The following EPG5 variants were observed in gnomAD, a reference collection of about 807,000 sequenced individuals.
The protein encoded by EPG5 is ectopic P granules protein 5 homolog.
Under a neutral mutation model 302.7 loss-of-function variants are expected in EPG5, and 159 were observed. That is an observed-to-expected ratio of 0.53 (90% CI 0.46 to 0.60). The LOEUF (loss-of-function observed/expected upper bound fraction) is 0.60, where lower values mean the gene tolerates loss of function less well. EPG5 is among the 20% of genes least tolerant of loss of function. The pLI is 0.00. For missense variants in EPG5, 2,896 were observed against 3,092.4 expected, an observed-to-expected ratio of 0.94 and a Z score of 1.51; for synonymous variants, 1,158 against 1,136.8, an observed-to-expected ratio of 1.02 and a Z score of -0.37.
chr18:45,952,375 A>G (rs1190522045), intron 3 of EPG5, 25 bp downstream of exon 3: 1 of 1,610,068 alleles, frequency 6.2e-7, no homozygotes, highest in Admixed American at 1.7e-5. Context: ...AAAACACAAG[A>G]AAGAGAGCTT....
At chr18:45,822,687 T>G in the EPG5 span, among the ~76,000 whole-genome samples, 3 of 152,164 alleles carry the variant, frequency 2.0e-5, no homozygotes, top group African/African-American at 7.2e-5. Context: ...TTGATTAAAA[T>G]GCTTTTAATC....
Position 45,900,976 on chromosome 18 carries a change from G to A in EPG5, c.4646+20C>T, listed in dbSNP as rs191567436. 8.1e-4 allele frequency: 1,285 copies of A among 1,595,080 alleles called. 12 individuals carry two copies. The South Asian group carries it at 8.7e-3, about 11-fold the overall frequency. ...AGCCACCAACATGGGAACATGATCC[G>A]TGAGGCTGCATGGTCTTACCTGGCC... On this transcript the variant is annotated intron_variant, in intron 26 of 43. Transcript: ENST00000282041.
chr18:45,904,162 G>A, intron 24 of EPG5, 45 bp from the exon 25 acceptor site: 1 of 1,589,248 alleles, frequency 6.3e-7, no homozygotes, highest in Non-Finnish European at 8.5e-7. Flanking sequence ...ACAAGTCATA[G>A]ATTCACATAT....
In EPG5 at chr18:45,858,716, A is replaced by C; in HGVS notation, c.7076T>G (p.Met2359Arg). 6.2e-7 allele frequency: 1 copy of C among 1,614,216 alleles called. No homozygotes were observed. The highest frequency in any genetic ancestry group is 1.7e-5 in the Admixed American group (1 of 60,028). Residue 2359 changes from methionine (M) to arginine (R), a missense_variant, in exon 41 of 44, where the codon ATG becomes AGG. Transcript: ENST00000282041. ...LVSLQVPELT[M>R]EEFLQECLTL... ...GAGGCACTCCTGCAGGAACTCTTCC[A>C]TGGTGAGCTCGGGAACCTGAAGGGA...
chr18:45,869,262 T>C (rs930639879), intron 36 of EPG5, among the ~76,000 whole-genome samples: 3 of 152,214 alleles, frequency 2.0e-5, no homozygotes, highest in Non-Finnish European at 4.4e-5. Flanking sequence ...ATGATTCATT[T>C]CTTGTCATTA....
At position 45,934,935 on chromosome 18, in the gene EPG5, G is replaced by A. The variant is rs771491947; in HGVS notation, c.2131C>T (p.Pro711Ser). 2 of 1,613,162 alleles carry A rather than the reference G, an allele frequency of 1.2e-6. No individual in the cohort carries two copies. Among genetic ancestry groups the A allele is most frequent in the East Asian group, 4.5e-5 (2 of 44,864 alleles). Residue 711 changes from proline to serine, a missense_variant, in exon 11 of 44, where the codon CCC becomes TCC. Physicochemically the swap from Pro to Ser is moderately conservative, Grantham distance 74. Around this residue, in one of 5 missense-constraint regions of EPG5, gnomAD observed 1,390 missense variants for 1,430.0 expected, o/e 0.97. Coordinates refer to ENST00000282041, the MANE Select transcript of EPG5 (RefSeq NM_020964.3). ...LGIWLFMSEM[P>S]FGTLSVQMLW... ...ATTTGCACAGACAGAGTCCCAAAGG[G>A]CATCTCGGACATAAACAGCCAAATG...
chr18:45,838,817 G>T, the EPG5 span: 1 of 1,560,094 alleles, frequency 6.4e-7, no homozygotes, highest in Non-Finnish European at 8.6e-7. Context: ...GCCCTCGCCT[G>T]GTCCGGCCCG....
chr18:45,886,711 T>C (rs898691218), intron 29 of EPG5, among the ~76,000 whole-genome samples: 1 of 152,146 alleles, frequency 6.6e-6, no homozygotes, highest in African/African-American at 2.4e-5. Context: ...CAGGCTGGAG[T>C]GCAATAGCAT....
the EPG5 span, chr18:45,837,482 C>G: frequency 6.9e-7 from 1 of 1,448,958 alleles, no homozygotes; most frequent in East Asian, 2.7e-5. Flanking sequence ...CCCCAGGGCC[C>G]CGAGCCTGAC....
chr18:45,879,884 C>A (rs900374187), intron 32 of EPG5, among the ~76,000 whole-genome samples, 191 bp downstream of exon 32: 3 of 151,950 alleles, frequency 2.0e-5, no homozygotes, highest in Non-Finnish European at 4.4e-5. Context: ...GATACATGGG[C>A]AAGAATTAGA....
chr18:45,859,659 T>A (rs1218216369), intron 40 of EPG5, among the ~76,000 whole-genome samples: 1 of 152,228 alleles, frequency 6.6e-6, no homozygotes, highest in African/African-American at 2.4e-5. Flanking sequence ...TTAAAAGGTC[T>A]GATAAGCAGC....
chr18:45,802,918 C>A, the EPG5 span, among the ~76,000 whole-genome samples: 1 of 152,146 alleles, frequency 6.6e-6, no homozygotes, highest in African/African-American at 2.4e-5. Flanking sequence ...ACCACATGGC[C>A]CCTTCCCCCA....
Position 45,954,450 on chromosome 18 carries a change from A to T in EPG5, c.952T>A (p.Cys318Ser). The change falls in exon 2 of 44, where the codon TGC (cysteine) becomes AGC (serine). Residue 318 changes from cysteine (C) to serine (S), a missense_variant. Transcript: ENST00000282041. ...EAELLTLTSD[C>S]QNAKSRLWQF... ...CACAGCCGACTTTTAGCATTTTGGC[A>T]ATCAGATGTCAGAGTAAGCAGCTCA... The T allele has an allele frequency of 6.2e-7, 1 of 1,614,144 alleles. No individual in the cohort carries two copies. Among genetic ancestry groups the T allele is most frequent in the Non-Finnish European group, 8.5e-7 (1 of 1,180,016 alleles).
In EPG5 at chr18:45,946,763, C is replaced by T. The variant is rs779313684; in HGVS notation, c.1577G>A (p.Arg526Gln). The change falls in exon 7 of 44, where the codon CGA becomes CAA. Residue 526 changes from arginine (R) to glutamine (Q), a missense_variant. Coordinates refer to ENST00000282041, the MANE Select transcript of EPG5 (RefSeq NM_020964.3). Reference sequence around the variant, plus strand: ...CTTCATGTGGCACATAAACTCAGCTCGATTTCTAAAGGACAAGAATAATCA... The same window carrying T: ...CTTCATGTGGCACATAAACTCAGCTTGATTTCTAAAGGACAAGAATAATCA... ...LALLMSPVKN[R>Q]AEFMCHMKPS... 1.9e-6 allele frequency: 3 copies of T among 1,613,910 alleles called. No individual in the cohort carries two copies. Among genetic ancestry groups the T allele is most frequent in the Admixed American group, 1.7e-5 (1 of 60,006 alleles).
the EPG5 span, among the ~76,000 whole-genome samples, chr18:45,816,045 C>T: frequency 4.6e-5 from 7 of 152,268 alleles, no homozygotes; most frequent in East Asian, 1.2e-3. Context: ...GGAGAAAGCA[C>T]ACCCTTTTCA....
the EPG5 span, among the ~76,000 whole-genome samples, chr18:45,840,558 C>G: frequency 6.6e-6 from 1 of 152,302 alleles, no homozygotes; most frequent in African/African-American, 2.4e-5. Context: ...CATCCCCGTT[C>G]CCCCCTGGCA....
the EPG5 span, chr18:45,839,221 G>C: frequency 8.0e-7 from 1 of 1,249,778 alleles, no homozygotes; most frequent in Non-Finnish European, 1.0e-6. Context: ...ATGCATCGTG[G>C]CGCTTTCCTC....
intron 27 of EPG5, among the ~76,000 whole-genome samples, chr18:45,892,175 A>AC (rs1278786271): frequency 6.6e-6 from 1 of 152,142 alleles, no homozygotes; most frequent in African/African-American, 2.4e-5. Context: ...ACTAAAATAA[A>AC]ACCAGGTGGT....
intron 10 of EPG5, 90 bp downstream of exon 10, chr18:45,939,510 A>G: frequency 7.9e-7 from 1 of 1,268,218 alleles, no homozygotes. Context: ...AGAAACTATT[A>G]TAAAAGACCT....
Sources: gnomAD v4.1 joint callset for allele counts (sites outside exome capture counted in the v4.1 genomes callset) on GRCh38, gnomAD v4.1.1 for gene constraint, gnomAD v4.1.1 regional missense constraint, MANE v1.5 for transcripts, NCBI Gene and HGNC (gene_info 2026-07-23, HGNC 2026-07-21) for gene names.